Variants in VPS13B observed in about 807,000 individuals in gnomAD.
VPS13B encodes the protein vacuolar protein sorting 13 homolog B.
In VPS13B, 285 loss-of-function variants were observed where a neutral mutation model predicts 426.4. The observed-to-expected ratio is 0.67, with a 90% CI of 0.61 to 0.74. VPS13B has a LOEUF of 0.74. Among genes scored for constraint, VPS13B ranks in the 30% least tolerant of loss-of-function variants. The pLI, the probability that VPS13B is intolerant of heterozygous loss-of-function variation, is 0.00. For missense variants in VPS13B, 4,537 were observed against 4,782.6 expected, an observed-to-expected ratio of 0.95 and a Z score of 1.51; for synonymous variants, 1,676 against 1,676.4, an observed-to-expected ratio of 1.00 and a Z score of 0.01.
At chr8:99,728,610 A>G (rs989975180) in intron 39 of VPS13B, among the ~76,000 whole-genome samples, 1 of 152,178 alleles carries the variant, frequency 6.6e-6, no homozygotes, top group Non-Finnish European at 1.5e-5. Flanking sequence ...TTAATGTCGT[A>G]ATAATTGTTA....
intron 54 of VPS13B, among the ~76,000 whole-genome samples, chr8:99,848,023 G>C (rs1187044175): frequency 6.6e-6 from 1 of 152,108 alleles, no homozygotes; most frequent in African/African-American, 2.4e-5. Context: ...CTACCCTCAG[G>C]TAATCCTGGC....
At chr8:99,667,351 G>T (rs1216925874) in intron 35 of VPS13B, among the ~76,000 whole-genome samples, 1 of 152,118 alleles carries the variant, frequency 6.6e-6, no homozygotes, top group Admixed American at 6.6e-5. Context: ...GTCTTTGAGA[G>T]CCAAACCACA....
intron 19 of VPS13B, among the ~76,000 whole-genome samples, chr8:99,358,134 C>T (rs1812291671): frequency 6.6e-6 from 1 of 152,098 alleles, no homozygotes; most frequent in Admixed American, 6.5e-5. Context: ...TGCGTCCATC[C>T]CTCATGTCTG....
At chr8:99,539,715 G>T (rs758989762) in intron 30 of VPS13B, among the ~76,000 whole-genome samples, 1 of 151,904 alleles carries the variant, frequency 6.6e-6, no homozygotes, top group Non-Finnish European at 1.5e-5. Context: ...TCCAATCTGG[G>T]CAACAGACCT....
chr8:99,764,435 A>G (rs1024376941), intron 39 of VPS13B, among the ~76,000 whole-genome samples: 4 of 111,080 alleles, frequency 3.6e-5, no homozygotes, highest in African/African-American at 7.3e-5. Context: ...TTTTTTTGAG[A>G]TGGAGTCTCC....
At chr8:99,704,372 T>C (rs1392021339) in intron 36 of VPS13B, among the ~76,000 whole-genome samples, 2 of 152,166 alleles carry the variant, frequency 1.3e-5, no homozygotes, top group Non-Finnish European at 2.9e-5. Context: ...GCTCCAACTT[T>C]TCATTCTATA....
chr8:99,035,520 T>A (rs1334433260), intron 2 of VPS13B, among the ~76,000 whole-genome samples: 1 of 152,254 alleles, frequency 6.6e-6, no homozygotes, highest in Non-Finnish European at 1.5e-5. Context: ...TTTTTAAGGC[T>A]GAATAATATC....
In VPS13B at chr8:99,750,801, G is replaced by A. The variant is rs546953396; in HGVS notation, c.7051-15973G>A. On this transcript the variant is annotated intron_variant, in intron 39 of 61. Coordinates refer to ENST00000357162, the MANE Select transcript of VPS13B (RefSeq NM_152564.5). The stretch of plus-strand genomic sequence containing the variant: ...ATACATGGGGTGTTTTGGGAATTCA[G>A]AAATTACTTCTAATTTGGATGATTG... 4.6e-5 allele frequency among the ~76,000 whole-genome samples: 7 copies of A among 152,256 alleles called. No homozygotes were observed. The South Asian group carries it at 1.5e-3, about 32-fold the overall frequency.
At chr8:99,173,418 T>C (rs2132672342) in intron 16 of VPS13B, among the ~76,000 whole-genome samples, 1 of 152,288 alleles carries the variant, frequency 6.6e-6, no homozygotes, top group South Asian at 2.1e-4. Context: ...TTGCCAGTAA[T>C]ACTTATTATC....
intron 17 of VPS13B, among the ~76,000 whole-genome samples, chr8:99,206,930 G>C (rs184053160): frequency 6.6e-6 from 1 of 151,898 alleles, no homozygotes; most frequent in Non-Finnish European, 1.5e-5. Context: ...GCCAGATACA[G>C]GCATTGGCTA....
chr8:99,749,067 G>A (rs1450604564), intron 39 of VPS13B, among the ~76,000 whole-genome samples: 2 of 151,762 alleles, frequency 1.3e-5, no homozygotes, highest in South Asian at 2.1e-4. Context: ...CAAATATTTT[G>A]AAATTCCGAG....
chr8:99,403,548 CAAAA>C (rs200871879), intron 21 of VPS13B, among the ~76,000 whole-genome samples: 2 of 91,564 alleles, frequency 2.2e-5, no homozygotes, highest in African/African-American at 4.0e-5. Context: ...GACTCTGTCT[CAAAA>C]AAAAAAAAAA....
At chr8:99,593,600 A>C (rs1387436485) in intron 33 of VPS13B, among the ~76,000 whole-genome samples, 1 of 152,112 alleles carries the variant, frequency 6.6e-6, no homozygotes, top group Non-Finnish European at 1.5e-5. Flanking sequence ...ATAAAGATAC[A>C]TGCACGTATA....
chr8:99,734,943 A>G (rs1053816701), intron 39 of VPS13B, among the ~76,000 whole-genome samples: 11 of 152,240 alleles, frequency 7.2e-5, no homozygotes, highest in African/African-American at 2.7e-4. Context: ...CAGAAGAAAA[A>G]TGGAGCAGCC....
At chr8:99,453,033 A>G (rs549981381) in intron 23 of VPS13B, among the ~76,000 whole-genome samples, 1 of 152,320 alleles carries the variant, frequency 6.6e-6, no homozygotes, top group South Asian at 2.1e-4. Context: ...TTTATAAAAT[A>G]TTTTGACAGA....
intron 33 of VPS13B, among the ~76,000 whole-genome samples, chr8:99,640,063 A>AGAAGAAGAAGAAG (rs1233008721): frequency 9.7e-6 from 1 of 103,046 alleles, no homozygotes; most frequent in African/African-American, 3.7e-5. Context: ...AAAGAAAAGA[A>AGAAGAAGAAGAAG]AAGAAAAGAA....
chr8:99,061,673 A>G (rs1403371661), intron 3 of VPS13B, among the ~76,000 whole-genome samples: 3 of 152,090 alleles, frequency 2.0e-5, no homozygotes, highest in African/African-American at 7.2e-5. Flanking sequence ...GACAGTATGC[A>G]TGTTTAACTT....
intron 2 of VPS13B, among the ~76,000 whole-genome samples, chr8:99,036,377 A>AT (rs1446133684): frequency 6.6e-6 from 1 of 152,178 alleles, no homozygotes; most frequent in Non-Finnish European, 1.5e-5. Context: ...TAAATAAAGT[A>AT]TTTTTAAGTT....
intron 19 of VPS13B, among the ~76,000 whole-genome samples, chr8:99,296,056 T>C (rs1014902827): frequency 9.9e-5 from 15 of 152,088 alleles, no homozygotes; most frequent in African/African-American, 3.1e-4. Flanking sequence ...GAAGTATAGT[T>C]CCTATAGTTT....
Sources: allele counts gnomAD v4.1 joint callset (sites outside exome capture counted in the v4.1 genomes callset), GRCh38; gene constraint gnomAD v4.1.1; transcripts MANE v1.5; gene names NCBI Gene and HGNC (gene_info 2026-07-23, HGNC 2026-07-21).